Variants in PPP2R2B observed in about 807,000 individuals in gnomAD.
PPP2R2B encodes serine/threonine-protein phosphatase 2A 55 kDa regulatory subunit B beta isoform.
In PPP2R2B, 5 loss-of-function variants were observed where a neutral mutation model predicts 46.0. The observed-to-expected ratio is 0.11, with a 90% CI of 0.06 to 0.23. The LOEUF is 0.23. Ranked by LOEUF, PPP2R2B falls within the 10% of genes least tolerant of loss-of-function variation. The pLI, the probability that PPP2R2B is intolerant of heterozygous loss-of-function variation, is 1.00. For synonymous variants in PPP2R2B, 215 were observed against 206.7 expected, an observed-to-expected ratio of 1.04 and a Z score of -0.34; for missense variants, 367 against 575.0, an observed-to-expected ratio of 0.64 and a Z score of 3.70.
At chr5:146,685,044 C>T (rs1012291760) in intron 5 of PPP2R2B, among the ~76,000 whole-genome samples, 3 of 152,186 alleles carry the variant, frequency 2.0e-5, no homozygotes, top group South Asian at 2.1e-4. Context: ...TTTCATTCAT[C>T]TTTGTAAGAG....
intron 1 of PPP2R2B, among the ~76,000 whole-genome samples, chr5:147,022,166 T>C (rs1340677781): frequency 6.6e-6 from 1 of 152,030 alleles, no homozygotes; most frequent in Non-Finnish European, 1.5e-5. Flanking sequence ...AGAACATAAG[T>C]GTTGTGTAGG....
intron 2 of PPP2R2B, among the ~76,000 whole-genome samples, chr5:146,722,977 G>T (rs1349368210): frequency 6.6e-6 from 1 of 152,076 alleles, no homozygotes; most frequent in African/African-American, 2.4e-5. Flanking sequence ...CCTGGAACCT[G>T]GCTAATCTCT....
chr5:146,595,681 G>GA (rs770850820), intron 8 of PPP2R2B, among the ~76,000 whole-genome samples: 13 of 152,116 alleles, frequency 8.5e-5, no homozygotes, highest in Non-Finnish European at 1.8e-4. Flanking sequence ...TTGTTGCACA[G>GA]AAAAAAAGTC....
intron 2 of PPP2R2B, among the ~76,000 whole-genome samples, chr5:146,834,083 C>T (rs1434380419): frequency 6.6e-6 from 1 of 152,120 alleles, no homozygotes; most frequent in Non-Finnish European, 1.5e-5. Context: ...GAAAAATATA[C>T]TTTTATGATA....
At chr5:146,854,179 A>G (rs1247295508) in intron 2 of PPP2R2B, among the ~76,000 whole-genome samples, 1 of 152,120 alleles carries the variant, frequency 6.6e-6, no homozygotes, top group Non-Finnish European at 1.5e-5. Context: ...ACATTAAATT[A>G]TTATTTCACA....
chr5:146,732,149 C>G (rs1311267174), intron 2 of PPP2R2B, among the ~76,000 whole-genome samples: 1 of 152,200 alleles, frequency 6.6e-6, no homozygotes, highest in Non-Finnish European at 1.5e-5. Flanking sequence ...AATCACCACT[C>G]ATTTATTCTG....
chr5:147,049,616 T>C (rs1043459342), intron 1 of PPP2R2B, among the ~76,000 whole-genome samples: 12 of 151,990 alleles, frequency 7.9e-5, no homozygotes, highest in African/African-American at 2.9e-4. Context: ...TTTAGGAAGA[T>C]GATAAGGAAG....
intron 5 of PPP2R2B, among the ~76,000 whole-genome samples, chr5:146,662,799 G>C (rs1352927954): frequency 1.3e-5 from 2 of 151,826 alleles, no homozygotes; most frequent in African/African-American, 2.4e-5. Flanking sequence ...CAGGAAAAGG[G>C]TTACTATTTA....
intron 1 of PPP2R2B, among the ~76,000 whole-genome samples, chr5:147,051,125 T>C (rs2151902583): frequency 6.6e-6 from 1 of 152,292 alleles, no homozygotes; most frequent in East Asian, 1.9e-4. Context: ...ATAGACTGTT[T>C]CAATGTAATC....
chr5:146,832,729 T>C (rs529525097), intron 2 of PPP2R2B, among the ~76,000 whole-genome samples: 2 of 152,260 alleles, frequency 1.3e-5, no homozygotes, highest in Non-Finnish European at 2.9e-5. Context: ...CTATGCTTTT[T>C]CTATGTTGAG....
chr5:146,680,593 A>G (rs1287890119), intron 5 of PPP2R2B, among the ~76,000 whole-genome samples: 2 of 151,432 alleles, frequency 1.3e-5, no homozygotes, highest in East Asian at 3.9e-4. Flanking sequence ...AAAAAAAAAA[A>G]GTTCCCAGAA....
intron 1 of PPP2R2B, among the ~76,000 whole-genome samples, chr5:147,012,640 C>T (rs1754796516): frequency 6.6e-6 from 1 of 151,566 alleles, no homozygotes; most frequent in Non-Finnish European, 1.5e-5. Context: ...TGTGTTTGCT[C>T]TTGCTTTTCT....
intron 1 of PPP2R2B, among the ~76,000 whole-genome samples, chr5:147,038,608 C>G (rs1756149143): frequency 6.6e-6 from 1 of 152,102 alleles, no homozygotes; most frequent in Non-Finnish European, 1.5e-5. Context: ...CTAGAGGAAA[C>G]AAGGAACGAA....
intron 2 of PPP2R2B, among the ~76,000 whole-genome samples, chr5:146,796,477 C>T (rs1756544424): frequency 6.6e-6 from 1 of 152,180 alleles, no homozygotes; most frequent in African/African-American, 2.4e-5. Flanking sequence ...TTTTAATTTA[C>T]ACTCAGAGTG....
chr5:146,986,971 A>T (rs1195332786), intron 1 of PPP2R2B, among the ~76,000 whole-genome samples: 1 of 152,174 alleles, frequency 6.6e-6, no homozygotes, highest in Non-Finnish European at 1.5e-5. Flanking sequence ...TAAACTCTCA[A>T]ATGTCAAAAA....
At chr5:146,592,009 T>TAAC (rs1312731399) in intron 9 of PPP2R2B, 1 of 336,300 alleles carries the variant, frequency 3.0e-6, no homozygotes, top group Non-Finnish European at 5.6e-6. Context: ...TGAGCAATAA[T>TAAC]AACAGATATG....
At chr5:146,989,596 C>G (rs901267271) in intron 1 of PPP2R2B, among the ~76,000 whole-genome samples, 2 of 151,888 alleles carry the variant, frequency 1.3e-5, no homozygotes, top group Non-Finnish European at 2.9e-5. Context: ...AGGAACATAC[C>G]TCGATACAAT....
At chr5:146,605,937 T>G (rs532938057) in intron 7 of PPP2R2B, among the ~76,000 whole-genome samples, 8 of 152,314 alleles carry the variant, frequency 5.3e-5, no homozygotes, top group African/African-American at 1.9e-4. Context: ...CAGATATGAA[T>G]AGATCTCCAT....
intron 6 of PPP2R2B, among the ~76,000 whole-genome samples, chr5:146,644,401 G>A (rs529633149): frequency 1.3e-5 from 2 of 152,172 alleles, no homozygotes; most frequent in Admixed American, 6.5e-5. Flanking sequence ...CGAATCCAAT[G>A]TATAGACAGC....
Sources: gnomAD v4.1 joint callset for allele counts (sites outside exome capture counted in the v4.1 genomes callset) on GRCh38, gnomAD v4.1.1 for gene constraint, MANE v1.5 for transcripts, NCBI Gene and HGNC (gene_info 2026-07-23, HGNC 2026-07-21) for gene names.